The following NMNAT2 variants were observed in gnomAD, a reference collection of about 807,000 sequenced individuals.
NMNAT2 encodes nicotinamide/nicotinic acid mononucleotide adenylyltransferase 2.
A neutral mutation model predicts 41.6 loss-of-function variants in NMNAT2; 11 were observed. That is an observed-to-expected ratio of 0.26 (90% confidence interval 0.17 to 0.44). The LOEUF is 0.44. Among genes scored for constraint, NMNAT2 ranks in the 20% least tolerant of loss-of-function variants. The probability of loss-of-function intolerance (pLI) is 1.00; values close to 1 mark genes in which losing one functional copy is unlikely to be tolerated. For missense variants in NMNAT2, 288 were observed against 407.7 expected (o/e 0.71, Z 2.53); for synonymous variants, 148 against 151.2 (o/e 0.98, Z 0.16).
At position 183,292,862 on chromosome 1, in the gene NMNAT2, G is replaced by A. The variant is rs1014966923; in HGVS notation, c.175-5C>T. 1.2e-6 allele frequency: 2 copies of A among 1,613,952 alleles called. No individual in the cohort carries two copies. The highest frequency in any genetic ancestry group is 1.7e-6 in the Non-Finnish European group (2 of 1,179,922). On this transcript the variant is annotated splice_polypyrimidine_tract_variant and splice_region_variant and intron_variant, in intron 2 of 10. Transcript: ENST00000287713. ...GTGCCGGCTTGACACGAGGCCCTGG[G>A]AAGCAACAGAGCAATCATTGGGAGA...
At chr1:183,388,614 A>G (rs1253163267) in intron 1 of NMNAT2, among the ~76,000 whole-genome samples, 1 of 152,248 alleles carries the variant, frequency 6.6e-6, no homozygotes, top group African/African-American at 2.4e-5. Flanking sequence ...ACTAGTCCTC[A>G]GTTCAATTAT....
At chr1:183,332,684 T>C (rs1040029427) in intron 1 of NMNAT2, among the ~76,000 whole-genome samples, 1 of 151,992 alleles carries the variant, frequency 6.6e-6, no homozygotes, top group African/African-American at 2.4e-5. Context: ...TCAGTCTGAC[T>C]GGCAACATGC....
intron 1 of NMNAT2, among the ~76,000 whole-genome samples, chr1:183,302,779 G>A (rs1466943849): frequency 6.6e-6 from 1 of 152,146 alleles, no homozygotes; most frequent in Non-Finnish European, 1.5e-5. Context: ...GTCATTCCCA[G>A]AACCACAATC....
intron 1 of NMNAT2, among the ~76,000 whole-genome samples, chr1:183,370,217 AACACATAC>A (rs1557891954): frequency 3.4e-5 from 3 of 89,414 alleles, no homozygotes; most frequent in Non-Finnish European, 4.6e-5. Flanking sequence ...CACTACTATC[AACACATAC>A]ACACACACAC....
At chr1:183,411,115 A>C (rs959833503) in intron 1 of NMNAT2, among the ~76,000 whole-genome samples, 2 of 152,126 alleles carry the variant, frequency 1.3e-5, no homozygotes, top group African/African-American at 4.8e-5. Context: ...CCATGTCCAG[A>C]GTGGTAACTT....
intron 1 of NMNAT2, among the ~76,000 whole-genome samples, chr1:183,371,562 G>C (rs1204343624): frequency 6.6e-6 from 1 of 152,152 alleles, no homozygotes; most frequent in African/African-American, 2.4e-5. Context: ...CATGTGTGAA[G>C]GGGGGAGTCT....
At chr1:183,362,643 G>C (rs1663330196) in intron 1 of NMNAT2, among the ~76,000 whole-genome samples, 1 of 152,148 alleles carries the variant, frequency 6.6e-6, no homozygotes, top group Admixed American at 6.5e-5. Context: ...CCAGTATATA[G>C]ATATAGCACA....
intron 1 of NMNAT2, among the ~76,000 whole-genome samples, chr1:183,357,709 G>A (rs1663226219): frequency 6.6e-6 from 1 of 152,178 alleles, no homozygotes; most frequent in South Asian, 2.1e-4. Flanking sequence ...ACCGGTGTAA[G>A]ATGATATCTC....
At chr1:183,296,472 A>G (rs1401784641) in intron 1 of NMNAT2, among the ~76,000 whole-genome samples, 1 of 151,486 alleles carries the variant, frequency 6.6e-6, no homozygotes, top group Non-Finnish European at 1.5e-5. Context: ...AGCATTTGGC[A>G]TTATTTGGAT....
intron 1 of NMNAT2, among the ~76,000 whole-genome samples, chr1:183,299,241 T>A (rs1661783469): frequency 6.6e-6 from 1 of 152,028 alleles, no homozygotes; most frequent in Admixed American, 6.5e-5. Context: ...GCATGGTGGG[T>A]GGCACACACT....
intron 1 of NMNAT2, among the ~76,000 whole-genome samples, chr1:183,412,518 C>T (rs780755248): frequency 3.9e-5 from 6 of 152,180 alleles, no homozygotes; most frequent in Non-Finnish European, 5.9e-5. Context: ...CCACCATGCC[C>T]GGCCAAAAGG....
At chr1:183,320,953 C>G (rs1457364723) in intron 1 of NMNAT2, among the ~76,000 whole-genome samples, 2 of 152,208 alleles carry the variant, frequency 1.3e-5, no homozygotes, top group Non-Finnish European at 2.9e-5. Flanking sequence ...GATTTCTCAG[C>G]CACTTTGGCA....
At chr1:183,269,401 G>T (rs558233454) in intron 8 of NMNAT2, among the ~76,000 whole-genome samples, 2 of 152,320 alleles carry the variant, frequency 1.3e-5, no homozygotes, top group Admixed American at 6.5e-5. Flanking sequence ...TCGGCAACAG[G>T]ATCCAATGTA....
In NMNAT2 at chr1:183,380,642, A is replaced by G. The variant is rs189888807; in HGVS notation, c.85+37541T>C. Reference sequence around the variant, plus strand: ...AGAAGGGGTGCAGCTGTTGGAAAATAGTTCTCATTTTAAAAAGTAATATCT... The same window carrying G: ...AGAAGGGGTGCAGCTGTTGGAAAATGGTTCTCATTTTAAAAAGTAATATCT... On this transcript the variant is annotated intron_variant, in intron 1 of 10. Transcript: ENST00000287713. Among the ~76,000 whole-genome samples, 1,006 of 152,330 alleles carry G rather than the reference A, an allele frequency of 6.6e-3. 5 individuals are homozygous for G. The highest frequency in any genetic ancestry group is 8.8e-3 in the Non-Finnish European group (601 of 68,030).
intron 8 of NMNAT2, among the ~76,000 whole-genome samples, chr1:183,268,887 C>T (rs1319337394): frequency 1.3e-5 from 2 of 152,084 alleles, no homozygotes; most frequent in Non-Finnish European, 2.9e-5. Flanking sequence ...TCTACAAAAA[C>T]AAATTTTATT....
At chr1:183,409,906 T>G (rs1419627068) in intron 1 of NMNAT2, among the ~76,000 whole-genome samples, 1 of 152,216 alleles carries the variant, frequency 6.6e-6, no homozygotes, top group Non-Finnish European at 1.5e-5. Flanking sequence ...GTGAATTTTT[T>G]GCTTGTTTGT....
At chr1:183,315,207 C>G (rs1015667663) in intron 1 of NMNAT2, among the ~76,000 whole-genome samples, 1 of 152,082 alleles carries the variant, frequency 6.6e-6, no homozygotes, top group East Asian at 1.9e-4. Context: ...TGATGGCTGT[C>G]GATAGCTGAT....
intron 6 of NMNAT2, 122 bp from the exon 7 acceptor site, chr1:183,284,161 T>C (rs1661341251): frequency 2.5e-6 from 2 of 793,104 alleles, no homozygotes; most frequent in Non-Finnish European, 4.1e-6. Flanking sequence ...CAAGTAGGGG[T>C]GTGGTGTGCC....
Position 183,290,218 on chromosome 1 carries a change from G to A in NMNAT2, c.243-12C>T, listed in dbSNP as rs780837634. The A allele has an allele frequency of 3.8e-5, 60 of 1,561,940 alleles. No homozygotes were observed. The highest frequency in any genetic ancestry group is 2.8e-4 in the African/African-American group (21 of 73,846). ...CCCAAGGGTCCACCCTAACATCATC[G>A]GAAAGAAGTTTCCCTTGGTTTCTGT... On this transcript the variant is annotated splice_polypyrimidine_tract_variant and intron_variant, in intron 3 of 10. Coordinates refer to ENST00000287713, the MANE Select transcript of NMNAT2 (RefSeq NM_015039.4).
Sources: allele counts gnomAD v4.1 joint callset (sites outside exome capture counted in the v4.1 genomes callset), GRCh38; gene constraint gnomAD v4.1.1; transcripts MANE v1.5; gene names NCBI Gene and HGNC (gene_info 2026-07-23, HGNC 2026-07-21).